STIM1: variants seen among roughly 807,000 people sequenced by gnomAD.
STIM1 encodes the protein stromal interaction molecule 1.
A neutral mutation model predicts 74.7 loss-of-function variants in STIM1; 25 were observed. The ratio of observed to expected loss-of-function variants is 0.33; its 90% CI spans 0.24 to 0.47. The LOEUF (loss-of-function observed/expected upper bound fraction) is 0.47, where lower values mean the gene tolerates loss of function less well. Ranked by LOEUF, STIM1 falls within the 20% of genes least tolerant of loss-of-function variation. The pLI is 1.00. For synonymous variants in STIM1, 328 were observed against 348.8 expected (o/e 0.94, Z 0.66); for missense variants, 728 against 920.8 (o/e 0.79, Z 2.71).
chr11:3,879,215 CA>C (rs767982116), intron 1 of STIM1, among the ~76,000 whole-genome samples: 8 of 152,176 alleles, frequency 5.3e-5, no homozygotes, highest in Non-Finnish European at 1.2e-4. Flanking sequence ...CTCAGCCTCC[CA>C]AAGTGCTGGG....
In STIM1 at chr11:3,856,174, T is replaced by A. The variant is rs893091199; in HGVS notation, c.-97T>A. On this transcript the variant is annotated 5_prime_UTR_variant, in exon 1 of 13. Transcript: ENST00000526596. ...CAGCTGCGGAGCCGCGAGGGCATCT[T>A]GCCTGGAGACCGTCGGCTGCACTCC... The A allele has an allele frequency of 6.5e-7, 1 of 1,550,018 alleles. No individual in the cohort carries two copies. Among genetic ancestry groups the A allele is most frequent in the African/African-American group, 1.4e-5 (1 of 73,824 alleles).
At chr11:3,951,653 A>G (rs1310528168) in intron 1 of STIM1, among the ~76,000 whole-genome samples, 1 of 152,016 alleles carries the variant, frequency 6.6e-6, no homozygotes, top group African/African-American at 2.4e-5. Flanking sequence ...TACTGATTGA[A>G]CCCAGAAGGG....
At chr11:3,934,122 A>G (rs2135573105) in intron 1 of STIM1, among the ~76,000 whole-genome samples, 2 of 152,236 alleles carry the variant, frequency 1.3e-5, no homozygotes, top group African/African-American at 4.8e-5. Flanking sequence ...AGGGTTGTGT[A>G]CGGGGTGGGA....
In STIM1 at chr11:3,892,768, G is replaced by T; in HGVS notation, c.139+36359G>T. On this transcript the variant is annotated intron_variant, in intron 1 of 12. Transcript: ENST00000526596. ...TATAACCAAATCCTTTCTCTCCAGT[G>T]CTCAGAGCACGAAAGTTTTCTGCTG... 3.7e-6 allele frequency: 6 copies of T among 1,613,212 alleles called. No homozygotes were observed. In the South Asian group the frequency reaches 6.6e-5, roughly 18 times the overall value.
chr11:4,055,433 C>T (rs962932906), intron 3 of STIM1, 93 bp from the exon 4 acceptor site: 3 of 946,086 alleles, frequency 3.2e-6, no homozygotes, highest in African/African-American at 3.3e-5. Flanking sequence ...ATATTAAACA[C>T]ACAAATGTGG....
intron 1 of STIM1, among the ~76,000 whole-genome samples, chr11:3,903,780 G>T (rs1223420782): frequency 1.3e-5 from 2 of 152,186 alleles, no homozygotes; most frequent in Non-Finnish European, 1.5e-5. Context: ...GGGCAAGTGG[G>T]TTGGGGTGCA....
rs572140021 is a variant in STIM1, at chr11:3,878,682, G to A, written c.139+22273G>A. Among the ~76,000 whole-genome samples, 11 of 152,222 alleles carry A rather than the reference G, an allele frequency of 7.2e-5. No homozygotes were observed. The South Asian group carries it at 1.0e-3, about 14-fold the overall frequency. On this transcript the variant is annotated intron_variant, in intron 1 of 12. Coordinates refer to ENST00000526596, the MANE Select transcript of STIM1 (RefSeq NM_001382567.1). The stretch of plus-strand genomic sequence containing the variant: ...TTCAAATGCAGAGTCATGAGAGCAG[G>A]GCTTATGTCTTACCTATCTTTGTGT...
intron 2 of STIM1, among the ~76,000 whole-genome samples, chr11:4,016,497 A>G (rs1189945507): frequency 6.6e-6 from 1 of 152,160 alleles, no homozygotes; most frequent in African/African-American, 2.4e-5. Context: ...GTCAGGCTAC[A>G]CGGGTGTCAG....
At chr11:4,057,582 C>T (rs568384073) in intron 4 of STIM1, among the ~76,000 whole-genome samples, 2 of 152,256 alleles carry the variant, frequency 1.3e-5, no homozygotes, top group Non-Finnish European at 2.9e-5. Flanking sequence ...TCTAGAAAGT[C>T]GCACTAGGCC....
chr11:4,001,524 A>T (rs1164113429), intron 2 of STIM1, among the ~76,000 whole-genome samples: 3 of 152,218 alleles, frequency 2.0e-5, no homozygotes, highest in African/African-American at 7.2e-5. Context: ...TACTTTACAG[A>T]CAAGCAAATG....
At chr11:4,073,048 GTTTTTTTT>G (rs56009858) in intron 6 of STIM1, among the ~76,000 whole-genome samples, 1 of 82,802 alleles carries the variant, frequency 1.2e-5, no homozygotes, top group African/African-American at 4.2e-5. Flanking sequence ...GGACTTAGAG[GTTTTTTTT>G]TTTTTTTTTT....
chr11:3,953,722 T>TATTCCC (rs2093177073), intron 1 of STIM1, among the ~76,000 whole-genome samples: 1 of 152,140 alleles, frequency 6.6e-6, no homozygotes, highest in Non-Finnish European at 1.5e-5. Context: ...CAACATCCAT[T>TATTCCC]ATTCCCATTC....
intron 7 of STIM1, among the ~76,000 whole-genome samples, chr11:4,079,160 G>A (rs183071830): frequency 0.023 from 3,535 of 152,002 alleles, 64 homozygotes; most frequent in Non-Finnish European, 0.035. Context: ...GCGTGGTGGC[G>A]GGTGTCTGTA....
intron 3 of STIM1, among the ~76,000 whole-genome samples, chr11:4,034,802 G>A (rs937606992): frequency 6.6e-6 from 1 of 152,050 alleles, no homozygotes; most frequent in Non-Finnish European, 1.5e-5. Flanking sequence ...ATAGGTATAA[G>A]GCTGTTCAGG....
intron 1 of STIM1, among the ~76,000 whole-genome samples, chr11:3,901,328 A>G (rs2092343091): frequency 6.6e-6 from 1 of 152,226 alleles, no homozygotes. Context: ...AGGGTTTTCT[A>G]TGTTTTTCTG....
At chr11:4,091,154 T>C in intron 12 of STIM1, 128 bp from the exon 13 acceptor site, 1 of 1,305,170 alleles carries the variant, frequency 7.7e-7, no homozygotes, top group Non-Finnish European at 1.1e-6. Flanking sequence ...TTCTCTCTCC[T>C]GCCGCTCTAT....
At chr11:3,897,959 A>G (rs927556235) in intron 1 of STIM1, among the ~76,000 whole-genome samples, 1 of 152,170 alleles carries the variant, frequency 6.6e-6, no homozygotes, top group Non-Finnish European at 1.5e-5. Flanking sequence ...GTTGTGAATA[A>G]TGCCGCAATA....
At chr11:3,872,667 G>A (rs1344686214) in intron 1 of STIM1, among the ~76,000 whole-genome samples, 2 of 151,048 alleles carry the variant, frequency 1.3e-5, no homozygotes, top group Non-Finnish European at 3.0e-5. Context: ...GACTATAGGC[G>A]CCCACCACCA....
At chr11:3,904,199 A>AAAAAAG (rs2135448976) in intron 1 of STIM1, among the ~76,000 whole-genome samples, 1 of 57,108 alleles carries the variant, frequency 1.8e-5, no homozygotes, top group South Asian at 5.5e-4. Context: ...TCTGTCTCAA[A>AAAAAAG]AAAAAAAAAA....
Sources: gnomAD v4.1 joint callset for allele counts (sites outside exome capture counted in the v4.1 genomes callset) on GRCh38, gnomAD v4.1.1 for gene constraint, MANE v1.5 for transcripts, NCBI Gene and HGNC (gene_info 2026-07-23, HGNC 2026-07-21) for gene names.